BRIP1: variants seen among roughly 807,000 people sequenced by gnomAD.
The protein encoded by BRIP1 is Fanconi anemia group J protein.
Under a neutral mutation model 119.7 loss-of-function variants are expected in BRIP1, and 88 were observed. The observed-to-expected ratio is 0.74, with a 90% CI of 0.62 to 0.88. The LOEUF (loss-of-function observed/expected upper bound fraction) is 0.88. BRIP1 is among the 40% of genes least tolerant of loss of function. The pLI is 0.00. For synonymous variants in BRIP1, 443 were observed against 496.5 expected, an observed-to-expected ratio of 0.89 and a Z score of 1.43; for missense variants, 1,259 against 1,455.4, an observed-to-expected ratio of 0.87 and a Z score of 2.20.
chr17:61,812,858 A>G (rs2078183779), intron 6 of BRIP1, among the ~76,000 whole-genome samples: 1 of 152,146 alleles, frequency 6.6e-6, no homozygotes, highest in South Asian at 2.1e-4. Flanking sequence ...AGAAAGATGA[A>G]TTGCTGAGTC....
In BRIP1 at chr17:61,775,607, A is replaced by G. The variant is rs1008376989; in HGVS notation, c.2097+794T>C. Among the ~76,000 whole-genome samples the G allele has an allele frequency of 3.9e-5, 6 of 152,164 alleles. No homozygotes were observed. The highest frequency in any genetic ancestry group is 1.4e-4 in the African/African-American group (6 of 41,444). ...TAGGAGGACCAAAATATACTAAATA[A>G]TTTCAAATTAACTAAAAAAAATTAT... is the stretch of plus-strand genomic sequence containing the variant. On this transcript the variant is annotated intron_variant, in intron 14 of 19. Transcript: ENST00000259008. This position sits in a 1 kb window ranked among gnomAD's most constrained non-coding sequence, Gnocchi z 4.4.
At position 61,745,415 on chromosome 17, in the gene BRIP1, C is replaced by G. The variant is rs939381327; in HGVS notation, c.2098-824G>C. Among the ~76,000 whole-genome samples the G allele has an allele frequency of 2.6e-5, 4 of 152,174 alleles. No homozygotes were observed. Among genetic ancestry groups the G allele is most frequent in the Non-Finnish European group, 5.9e-5 (4 of 68,022 alleles). ...AGAGACAGGGTCTCTGTCACCCAGGCTGGAGTACAGTGGCAAGATCATAGC... is the reference window on the plus strand; with the variant it reads ...AGAGACAGGGTCTCTGTCACCCAGGGTGGAGTACAGTGGCAAGATCATAGC... On this transcript the variant is annotated intron_variant, in intron 14 of 19. Transcript: ENST00000259008. This position sits in a 1 kb window ranked among gnomAD's most constrained non-coding sequence, Gnocchi z 4.4.
chr17:61,750,847 A>G (rs1274015787), intron 14 of BRIP1, among the ~76,000 whole-genome samples: 1 of 152,208 alleles, frequency 6.6e-6, no homozygotes, highest in East Asian at 1.9e-4. Flanking sequence ...TTGCAAGGAC[A>G]CGCAGAAACT....
At chr17:61,801,212 A>G (rs761744295) in intron 8 of BRIP1, 41 bp downstream of exon 8, 3 of 1,544,304 alleles carry the variant, frequency 1.9e-6, no homozygotes, top group East Asian at 4.5e-5. Context: ...TTACATCTCC[A>G]TGAGTAGGAA....
intron 16 of BRIP1, among the ~76,000 whole-genome samples, chr17:61,716,908 T>C (rs1193958246): frequency 8.9e-6 from 1 of 112,286 alleles, no homozygotes; most frequent in African/African-American, 3.5e-5. Context: ...TACCTTAAAA[T>C]AATATTTTAC....
At position 61,717,391 on chromosome 17, in the gene BRIP1, G is replaced by A. The variant is rs1378898023; in HGVS notation, c.2380-1328C>T. Among the ~76,000 whole-genome samples, 1 of 152,028 alleles carries A rather than the reference G, an allele frequency of 6.6e-6. No individual in the cohort carries two copies. Among genetic ancestry groups the A allele is most frequent in the East Asian group, 1.9e-4 (1 of 5,196 alleles). On this transcript the variant is annotated intron_variant, in intron 16 of 19. Coordinates refer to ENST00000259008, the MANE Select transcript of BRIP1 (RefSeq NM_032043.3). The surrounding 1 kb of genome is among the most constrained non-coding windows in gnomAD (Gnocchi z 4.1). ...TGGTATCATTTTCCTTCTACCTGAA[G>A]AACTTTCTTTAATATTAGTAGTGCA...
Position 61,769,545 on chromosome 17 carries a change from C to T in BRIP1, c.2097+6856G>A, listed in dbSNP as rs2144945514. 6.6e-6 allele frequency among the ~76,000 whole-genome samples: 1 copy of T among 152,280 alleles called. No homozygotes were observed. Among genetic ancestry groups the T allele is most frequent in the South Asian group, 2.1e-4 (1 of 4,824 alleles). On this transcript the variant is annotated intron_variant, in intron 14 of 19. Transcript: ENST00000259008. This position sits in a 1 kb window ranked among gnomAD's most constrained non-coding sequence, Gnocchi z 4.9. ...GATTATAATAATGTGCTAGTTTGCTCTTATGACTAGATTCTGAAACTCAGT... is the reference window on the plus strand; with the variant it reads ...GATTATAATAATGTGCTAGTTTGCTTTTATGACTAGATTCTGAAACTCAGT...
rs2077403317 is a variant in BRIP1, at chr17:61,768,561, T to C, written c.2097+7840A>G. ...CTTTGCTACCTAAATTTCATAAATATCATTTCACTTCTATTAATATTTTCA... is the reference window on the plus strand; with the variant it reads ...CTTTGCTACCTAAATTTCATAAATACCATTTCACTTCTATTAATATTTTCA... On this transcript the variant is annotated intron_variant, in intron 14 of 19. Transcript: ENST00000259008. The surrounding 1 kb of genome is among the most constrained non-coding windows in gnomAD (Gnocchi z 5.0). Among the ~76,000 whole-genome samples the C allele has an allele frequency of 6.6e-6, 1 of 152,176 alleles. No homozygotes were observed. The highest frequency in any genetic ancestry group is 2.1e-4 in the South Asian group (1 of 4,830).
In BRIP1 at chr17:61,780,402, C is replaced by G. The variant is rs1368457771; in HGVS notation, c.1795-1G>C. On this transcript the variant is annotated splice_acceptor_variant, in intron 12 of 19. Transcript: ENST00000259008. LOFTEE classifies it high-confidence loss of function. The surrounding 1 kb of genome is among the most constrained non-coding windows in gnomAD (Gnocchi z 5.4). The stretch of plus-strand genomic sequence containing the variant: ...CTTTGCCATTAATATCTGAAAAGGC[C>G]TAAAAGAAAACAACATTAGATAAAT... The G allele has an allele frequency of 6.2e-7, 1 of 1,607,738 alleles. No homozygotes were observed. Among genetic ancestry groups the G allele is most frequent in the South Asian group, 1.1e-5 (1 of 90,868 alleles).
rs1246435374 is a variant in BRIP1 at position 61,794,674 on chromosome 17, T to C, written c.1341-945A>G. On this transcript the variant is annotated intron_variant, in intron 9 of 19. Transcript: ENST00000259008. This position sits in a 1 kb window ranked among gnomAD's most constrained non-coding sequence, Gnocchi z 4.3. ...TATAACAAACCTGCACATGTACCCC[T>C]GAACTTAAAAGTTAAAAAAAAAAGT... Among the ~76,000 whole-genome samples, 2 of 150,568 alleles carry C rather than the reference T, an allele frequency of 1.3e-5. No individual in the cohort carries two copies. Among genetic ancestry groups the C allele is most frequent in the Non-Finnish European group, 3.0e-5 (2 of 67,720 alleles).
At position 61,743,887 on chromosome 17, in the gene BRIP1, A is replaced by C. The variant is rs2077020673; in HGVS notation, c.2257+545T>G. 1.3e-5 allele frequency among the ~76,000 whole-genome samples: 2 copies of C among 151,938 alleles called. No individual in the cohort carries two copies. Among genetic ancestry groups the C allele is most frequent in the Non-Finnish European group, 2.9e-5 (2 of 67,974 alleles). On this transcript the variant is annotated intron_variant, in intron 15 of 19. Coordinates refer to ENST00000259008, the MANE Select transcript of BRIP1 (RefSeq NM_032043.3). The surrounding 1 kb of genome is among the most constrained non-coding windows in gnomAD (Gnocchi z 4.3). Reference sequence around the variant, plus strand: ...CTTTTTGTAGAGACAGGATTTCACCATGTTGCCCAGGCTGGTCTCGAACTC... The same window carrying C: ...CTTTTTGTAGAGACAGGATTTCACCCTGTTGCCCAGGCTGGTCTCGAACTC...
intron 10 of BRIP1, among the ~76,000 whole-genome samples, chr17:61,785,499 A>G (rs1394957421): frequency 1.3e-5 from 2 of 152,210 alleles, no homozygotes; most frequent in Non-Finnish European, 2.9e-5. Flanking sequence ...AATAAGAAAG[A>G]TACATTTTAA....
chr17:61,791,127 G>A (rs566129073), intron 10 of BRIP1, among the ~76,000 whole-genome samples: 65 of 151,972 alleles, frequency 4.3e-4, no homozygotes, highest in Non-Finnish European at 7.6e-4. Flanking sequence ...GATCATGTTG[G>A]CAATTATTTT....
rs1411334681 is a variant in BRIP1 at position 61,722,817 on chromosome 17, T to C, written c.2380-6754A>G. On this transcript the variant is annotated intron_variant, in intron 16 of 19. Coordinates refer to ENST00000259008, the MANE Select transcript of BRIP1 (RefSeq NM_032043.3). The surrounding 1 kb of genome is among the most constrained non-coding windows in gnomAD (Gnocchi z 4.6). ...AATTAAAATTTTCTGTATGGCTACA[T>C]TGTTTTAATTTATTGCAAATTTTCA... 6.6e-6 allele frequency among the ~76,000 whole-genome samples: 1 copy of C among 152,226 alleles called. No homozygotes were observed. Among genetic ancestry groups the C allele is most frequent in the African/African-American group, 2.4e-5 (1 of 41,472 alleles).
intron 6 of BRIP1, among the ~76,000 whole-genome samples, chr17:61,826,753 A>AAG (rs2078415174): frequency 1.3e-5 from 2 of 150,434 alleles, no homozygotes; most frequent in South Asian, 2.1e-4. Context: ...AAAAAAAAAA[A>AAG]AAAACAGATG....
rs143554534 is a variant in BRIP1, at chr17:61,822,446, T to C, written c.628-13689A>G. ...TTTTTGTCGTACTAATAGATCCAGT[T>C]ATGTGCCCTCTGGGAAAAATGCACC... On this transcript the variant is annotated intron_variant, in intron 6 of 19. Coordinates refer to ENST00000259008, the MANE Select transcript of BRIP1 (RefSeq NM_032043.3). The surrounding 1 kb of genome is among the most constrained non-coding windows in gnomAD (Gnocchi z 4.4). Among the ~76,000 whole-genome samples, 236 of 152,286 alleles carry C rather than the reference T, an allele frequency of 1.5e-3. 2 individuals are homozygous for C. In the East Asian group the frequency reaches 0.032, roughly 21 times the overall value.
rs1317108594 is a variant in BRIP1, at chr17:61,798,653, G to A, written c.1340+447C>T. 6.6e-6 allele frequency among the ~76,000 whole-genome samples: 1 copy of A among 151,832 alleles called. No homozygotes were observed. The highest frequency in any genetic ancestry group is 1.5e-5 in the Non-Finnish European group (1 of 67,892). On this transcript the variant is annotated intron_variant, in intron 9 of 19. Transcript: ENST00000259008. The surrounding 1 kb of genome is among the most constrained non-coding windows in gnomAD (Gnocchi z 5.5). ...AATAAAAGAAAAATTAGTGTAAATT[G>A]TCATAAAGCTAGTACTAAATATATT...
At chr17:61,788,687 G>C (rs1489114726) in intron 10 of BRIP1, among the ~76,000 whole-genome samples, 2 of 152,138 alleles carry the variant, frequency 1.3e-5, no homozygotes, top group Non-Finnish European at 2.9e-5. Context: ...TGGGTGTAGT[G>C]GTTCACTCTT....
In BRIP1 at chr17:61,850,290, C is replaced by T. The variant is rs367772827; in HGVS notation, c.380-1034G>A. Among the ~76,000 whole-genome samples the T allele has an allele frequency of 1.3e-4, 19 of 151,714 alleles. 1 individual carries two copies. The East Asian group carries it at 2.6e-3, about 21-fold the overall frequency. ...GCTAATTTTGTATTTTTAATAGAGA[C>T]GGGGTTTCTCCATGTTGGTCAGGCT... On this transcript the variant is annotated intron_variant, in intron 4 of 19. Coordinates refer to ENST00000259008, the MANE Select transcript of BRIP1 (RefSeq NM_032043.3).
Sources: allele counts gnomAD v4.1 joint callset (sites outside exome capture counted in the v4.1 genomes callset), GRCh38; gene constraint gnomAD v4.1.1; non-coding constraint Gnocchi (gnomAD v3.1); transcripts MANE v1.5; gene names NCBI Gene and HGNC (gene_info 2026-07-23, HGNC 2026-07-21).